The following ZNF41 variants were observed in gnomAD, a reference collection of about 807,000 sequenced individuals.
The protein encoded by ZNF41 is zinc finger protein 41.
A neutral mutation model predicts 9.3 loss-of-function variants in ZNF41; 6 were observed. The ratio of observed to expected loss-of-function variants is 0.65; its 90% confidence interval spans 0.35 to 1.28. The LOEUF is 1.28. ZNF41 is among the 50% of genes most tolerant of loss of function. The pLI, the probability that ZNF41 is intolerant of heterozygous loss-of-function variation, is 0.03. For synonymous variants in ZNF41, 192 were observed against 207.1 expected, an observed-to-expected ratio of 0.93 and a Z score of 0.63; for missense variants, 523 against 585.8, an observed-to-expected ratio of 0.89 and a Z score of 1.11.
chrX:47,458,634 G>A lies in ZNF41; in HGVS notation c.73-2236C>T, dbSNP rs778237331. ...GCAAATGGCCAGGAATAGCTAAGGC[G>A]TTTAAAAAAAATTATTTTGTATCTT... On this transcript the variant is annotated intron_variant, in intron 2 of 4. Coordinates refer to ENST00000684689, the MANE Select transcript of ZNF41 (RefSeq NM_001324144.2). 1.6e-4 allele frequency among the ~76,000 whole-genome samples: 18 copies of A among 111,279 alleles called. No homozygotes were observed. The South Asian group carries it at 2.6e-3, about 16-fold the overall frequency.
At chrX:47,482,104 C>T (rs953092200) in intron 1 of ZNF41, among the ~76,000 whole-genome samples, 1 of 109,285 alleles carries the variant, frequency 9.2e-6, no homozygotes, top group Non-Finnish European at 1.9e-5. Context: ...TTCTTACCCC[C>T]ACGGACTTCT....
In ZNF41 at chrX:47,447,455, T is replaced by C. The variant is rs1285896719; in HGVS notation, c.2315A>G (p.Glu772Gly). ...LIKHQKMHSGEKRYKASD is the reference protein window; with the variant it reads ...LIKHQKMHSGGKRYKASD ...TCAGTCACTGGCTTTATAGCGTTTT[T>C]CTCCACTATGCATTTTCTGGTGTTT... Residue 772 changes from glutamate to glycine, a missense_variant, in exon 5 of 5, where the codon GAA becomes GGA. Physicochemically the swap from Glu to Gly is moderately conservative, Grantham distance 98 (BLOSUM62 -2). Coordinates refer to ENST00000684689, the MANE Select transcript of ZNF41 (RefSeq NM_001324144.2). 5.0e-6 allele frequency: 6 copies of C among 1,211,549 alleles called. No individual in the cohort carries two copies. The East Asian group carries it at 1.8e-4, about 36-fold the overall frequency.
chrX:47,469,310 CAAAAAAAAAA>C (rs749426044), intron 1 of ZNF41, among the ~76,000 whole-genome samples: 5 of 35,936 alleles, frequency 1.4e-4, no homozygotes, highest in East Asian at 9.9e-4. Flanking sequence ...GACTCCGTCT[CAAAAAAAAAA>C]AAAAAAAAAA....
chrX:47,465,715 G>A (rs1221948809), intron 2 of ZNF41, among the ~76,000 whole-genome samples: 1 of 110,821 alleles, frequency 9.0e-6, no homozygotes, highest in East Asian at 2.8e-4. Context: ...GCTCAGGTGG[G>A]AGGATCGCCT....
intron 1 of ZNF41, among the ~76,000 whole-genome samples, chrX:47,479,982 C>A (rs1450947114): frequency 9.1e-6 from 1 of 110,263 alleles, no homozygotes; most frequent in Non-Finnish European, 1.9e-5. Flanking sequence ...ATAGTCCCAG[C>A]TACTTGGGAG....
chrX:47,455,429 A>G (rs780713330), intron 4 of ZNF41, among the ~76,000 whole-genome samples: 1 of 109,460 alleles, frequency 9.1e-6, no homozygotes, highest in South Asian at 4.0e-4. Context: ...TACAAAAAAT[A>G]CAAAAATTAG....
chrX:47,480,719 T>C (rs2057448999), intron 1 of ZNF41, among the ~76,000 whole-genome samples: 1 of 108,182 alleles, frequency 9.2e-6, no homozygotes, highest in Non-Finnish European at 1.9e-5. Flanking sequence ...TGAAAAAGTT[T>C]AAATATATAT....
chrX:47,458,938 A>C (rs1479637498), intron 2 of ZNF41, among the ~76,000 whole-genome samples: 2 of 110,841 alleles, frequency 1.8e-5, no homozygotes, highest in African/African-American at 6.6e-5. Flanking sequence ...GACACTCTTG[A>C]ATAGTTAAAG....
intron 2 of ZNF41, among the ~76,000 whole-genome samples, chrX:47,460,496 T>C (rs955990381): frequency 9.8e-5 from 11 of 111,735 alleles, no homozygotes; most frequent in Admixed American, 1.9e-4. Context: ...GAGTAGAAGA[T>C]ATCTCCAACA....
chrX:47,447,576 C>T lies in ZNF41; in HGVS notation c.2194G>A (p.Ala732Thr), dbSNP rs757177745. 2.5e-6 allele frequency: 3 copies of T among 1,211,870 alleles called. No homozygotes were observed. The highest frequency in any genetic ancestry group is 2.2e-6 in the Non-Finnish European group (2 of 895,581). Residue 732 changes from alanine to threonine, a missense_variant, in exon 5 of 5, where the codon GCC (alanine) becomes ACC (threonine). Ala to Thr is a moderately conservative substitution (Grantham distance 58). Coordinates refer to ENST00000684689, the MANE Select transcript of ZNF41 (RefSeq NM_001324144.2). The part of the protein sequence containing the change: ...SKCGKAFIQK[A>T]TLSMHQIIHT... Reference sequence around the variant, plus strand: ...ATTATCTGATGCATACTTAGTGTGGCTTTCTGGATGAAAGCTTTCCCACAT... The same window carrying T: ...ATTATCTGATGCATACTTAGTGTGGTTTTCTGGATGAAAGCTTTCCCACAT...
intron 2 of ZNF41, among the ~76,000 whole-genome samples, chrX:47,461,407 T>C (rs1228337639): frequency 9.4e-6 from 1 of 106,727 alleles, no homozygotes; most frequent in Non-Finnish European, 1.9e-5. Flanking sequence ...CAGGATATTT[T>C]CTTTTTTTCC....
Position 47,467,392 on chromosome X carries a change from G to A in ZNF41, c.72+18C>T. On this transcript the variant is annotated intron_variant, in intron 2 of 4. Coordinates refer to ENST00000684689, the MANE Select transcript of ZNF41 (RefSeq NM_001324144.2). ...TCACTGAATGAATTCTTGCCTCTGG[G>A]GTCCTCTCCCTCCTCACCTCACATG... 1 of 1,176,342 alleles carries A rather than the reference G, an allele frequency of 8.5e-7. No homozygotes were observed. The highest frequency in any genetic ancestry group is 1.1e-6 in the Non-Finnish European group (1 of 876,638).
At chrX:47,460,276 T>C (rs1047883941) in intron 2 of ZNF41, among the ~76,000 whole-genome samples, 6 of 111,443 alleles carry the variant, frequency 5.4e-5, no homozygotes, top group Non-Finnish European at 1.1e-4. Flanking sequence ...AAAGTATATA[T>C]AAATTCCAGA....
chrX:47,448,361 C>T lies in ZNF41; in HGVS notation c.1409G>A (p.Ser470Asn), dbSNP rs1199634058. ...CTTAGTGAAGGATTTCCCACAGTCA[C>T]TGCATTCATACGGCTTTTCTCCAGT... ...IHTGEKPYEC[S>N]DCGKSFTKKS... The change falls in exon 5 of 5, where the codon AGT becomes AAT. Residue 470 changes from serine (S) to asparagine (N), a missense_variant. Transcript: ENST00000684689. 8.3e-7 allele frequency: 1 copy of T among 1,211,480 alleles called. No individual in the cohort carries two copies. Among genetic ancestry groups the T allele is most frequent in the Admixed American group, 2.2e-5 (1 of 45,944 alleles).
rs755661689 is a variant in ZNF41, at chrX:47,447,826, T to G, written c.1944A>C (p.Ser648=). ...SDCGKCFTKK[S]QLRVHQKIHT... is the part of the protein sequence containing the mutation. The stretch of plus-strand genomic sequence containing the variant: ...GGATTTTCTGATGCACACGGAGTTG[T>G]GACTTCTTAGTGAAGCATTTCCCAC... Residue 648 remains serine (S), a synonymous_variant, in exon 5 of 5, where the codon TCA becomes TCC. Transcript: ENST00000684689. The G allele has an allele frequency of 1.7e-6, 2 of 1,211,866 alleles. No individual in the cohort carries two copies. The highest frequency in any genetic ancestry group is 2.2e-6 in the Non-Finnish European group (2 of 895,527).
At chrX:47,459,357 G>A (rs2056690759) in intron 2 of ZNF41, among the ~76,000 whole-genome samples, 1 of 109,038 alleles carries the variant, frequency 9.2e-6, no homozygotes, top group African/African-American at 3.3e-5. Flanking sequence ...CTCAAAAAAA[G>A]AAAAAAGAGT....
chrX:47,469,633 A>G (rs777605884), intron 1 of ZNF41, among the ~76,000 whole-genome samples: 4 of 112,161 alleles, frequency 3.6e-5, no homozygotes, highest in African/African-American at 1.3e-4. Context: ...TAATTCCAGC[A>G]CTTTGGGAGG....
At chrX:47,474,755 G>A (rs1235186355) in intron 1 of ZNF41, among the ~76,000 whole-genome samples, 1 of 108,942 alleles carries the variant, frequency 9.2e-6, no homozygotes, top group Admixed American at 1.0e-4. Flanking sequence ...GCATGCGCCT[G>A]TAGTCTCAGC....
chrX:47,458,643 A>C, intron 2 of ZNF41, among the ~76,000 whole-genome samples: 1 of 111,667 alleles, frequency 9.0e-6, no homozygotes, highest in African/African-American at 3.3e-5. Flanking sequence ...CGTTTAAAAA[A>C]AATTATTTTG....
Sources: gnomAD v4.1 joint callset for allele counts (sites outside exome capture counted in the v4.1 genomes callset) on GRCh38, gnomAD v4.1.1 for gene constraint, MANE v1.5 for transcripts, NCBI Gene and HGNC (gene_info 2026-07-23, HGNC 2026-07-21) for gene names.